The following RBM6 variants were observed in gnomAD, a reference collection of about 807,000 sequenced individuals.
RBM6 encodes RNA-binding protein 6.
A neutral mutation model predicts 140.4 loss-of-function variants in RBM6; 23 were observed. The ratio of observed to expected loss-of-function variants is 0.16; its 90% CI spans 0.12 to 0.23. The LOEUF is 0.23. Among genes scored for constraint, RBM6 ranks in the 10% least tolerant of loss-of-function variants. The pLI is 1.00. For synonymous variants in RBM6, 439 were observed against 475.6 expected (o/e 0.92, Z 1.00); for missense variants, 1,139 against 1,386.7 (o/e 0.82, Z 2.84).
intron 7 of RBM6, among the ~76,000 whole-genome samples, chr3:50,053,709 C>A (rs1309751740): frequency 1.3e-5 from 2 of 152,194 alleles, no homozygotes; most frequent in Non-Finnish European, 2.9e-5. Flanking sequence ...TTTGGAAGCT[C>A]AGTGGCAAAA....
intron 1 of RBM6, among the ~76,000 whole-genome samples, chr3:49,954,762 CTT>C (rs200962144): frequency 7.0e-5 from 10 of 143,764 alleles, no homozygotes; most frequent in Non-Finnish European, 6.1e-5. Context: ...ATTTTGCACA[CTT>C]TTTTTTTTTT....
chr3:50,062,459 G>A (rs910002307), intron 15 of RBM6, among the ~76,000 whole-genome samples: 5 of 150,758 alleles, frequency 3.3e-5, no homozygotes, highest in African/African-American at 4.9e-5. Flanking sequence ...AGCCGAGATC[G>A]CGCCACTACA....
chr3:50,045,510 G>A (rs1183553491), intron 6 of RBM6, among the ~76,000 whole-genome samples: 1 of 152,124 alleles, frequency 6.6e-6, no homozygotes, highest in Admixed American at 6.5e-5. Flanking sequence ...TAAAAGGCCA[G>A]CAAGATTAAG....
chr3:49,995,287 C>T (rs947815257), intron 5 of RBM6, among the ~76,000 whole-genome samples: 27 of 151,942 alleles, frequency 1.8e-4, no homozygotes, highest in Admixed American at 2.0e-4. Flanking sequence ...ATAAGGAGGC[C>T]GGGTGCGGTG....
chr3:49,977,193 T>G (rs929688288), intron 5 of RBM6, among the ~76,000 whole-genome samples: 1 of 152,218 alleles, frequency 6.6e-6, no homozygotes, highest in Non-Finnish European at 1.5e-5. Flanking sequence ...AGTACTGCCC[T>G]CCACCTACCC....
At chr3:50,056,084 T>C in intron 8 of RBM6, among the ~76,000 whole-genome samples, 1 of 152,190 alleles carries the variant, frequency 6.6e-6, no homozygotes, top group Admixed American at 6.5e-5. Flanking sequence ...GATTTTACTC[T>C]GGTGAAGACT....
intron 5 of RBM6, among the ~76,000 whole-genome samples, chr3:49,998,693 G>T (rs183647062): frequency 6.6e-6 from 1 of 152,206 alleles, no homozygotes; most frequent in Admixed American, 6.5e-5. Flanking sequence ...TCTTAAACAT[G>T]TATTGATTGC....
intron 5 of RBM6, among the ~76,000 whole-genome samples, chr3:49,983,659 C>G (rs1207812861): frequency 6.6e-6 from 1 of 152,190 alleles, no homozygotes; most frequent in African/African-American, 2.4e-5. Context: ...ATCATTTTTA[C>G]TTGTCACATC....
chr3:49,940,568 C>A (rs917038545), intron 1 of RBM6: 7 of 155,542 alleles, frequency 4.5e-5, no homozygotes, highest in African/African-American at 1.4e-4. Flanking sequence ...GCTGTTCTTG[C>A]GGTTTTCCTG....
At chr3:49,970,164 C>A (rs969694404) in intron 3 of RBM6, among the ~76,000 whole-genome samples, 2 of 152,086 alleles carry the variant, frequency 1.3e-5, no homozygotes, top group African/African-American at 4.8e-5. Flanking sequence ...TGGGCTGGAA[C>A]CCCTGATCTC....
intron 6 of RBM6, among the ~76,000 whole-genome samples, chr3:50,037,632 T>A (rs1031527975): frequency 1.3e-5 from 2 of 152,116 alleles, no homozygotes; most frequent in Non-Finnish European, 2.9e-5. Flanking sequence ...GTAGAAATAA[T>A]GTCTCTTTTT....
chr3:49,942,575 G>A (rs1447253067), intron 1 of RBM6, among the ~76,000 whole-genome samples: 1 of 148,886 alleles, frequency 6.7e-6, no homozygotes, highest in African/African-American at 2.5e-5. Context: ...CACTATTTCT[G>A]AAACTTTAGT....
chr3:50,042,311 A>G (rs2088966501), intron 6 of RBM6, among the ~76,000 whole-genome samples: 2 of 152,222 alleles, frequency 1.3e-5, no homozygotes, highest in South Asian at 2.1e-4. Flanking sequence ...GGAAGATCAC[A>G]CAGCAATCAT....
At chr3:49,946,892 G>A (rs2083511048) in intron 1 of RBM6, among the ~76,000 whole-genome samples, 1 of 150,612 alleles carries the variant, frequency 6.6e-6, no homozygotes, top group Non-Finnish European at 1.5e-5. Context: ...GATGTGAAGT[G>A]GTATCTTATT....
chr3:50,034,922 G>A (rs1188766654), intron 6 of RBM6, among the ~76,000 whole-genome samples: 1 of 151,908 alleles, frequency 6.6e-6, no homozygotes, highest in Non-Finnish European at 1.5e-5. Flanking sequence ...TCACTAATTT[G>A]CTATGGCTTC....
intron 19 of RBM6, among the ~76,000 whole-genome samples, chr3:50,074,702 C>T (rs1194711970): frequency 6.6e-6 from 1 of 152,164 alleles, no homozygotes; most frequent in Non-Finnish European, 1.5e-5. Flanking sequence ...TTCTTGTGAA[C>T]AGGGCCATAT....
At chr3:50,020,539 G>A (rs913674471) in intron 6 of RBM6, among the ~76,000 whole-genome samples, 35 of 151,920 alleles carry the variant, frequency 2.3e-4, no homozygotes, top group Middle Eastern at 3.2e-3. Flanking sequence ...TTTGTGTATC[G>A]CACAAATTTT....
chr3:50,031,291 A>G (rs537675940), intron 6 of RBM6, among the ~76,000 whole-genome samples: 1 of 152,344 alleles, frequency 6.6e-6, no homozygotes, highest in African/African-American at 2.4e-5. Context: ...ATGTATGTTT[A>G]TTGCGGCACT....
intron 5 of RBM6, among the ~76,000 whole-genome samples, chr3:49,982,275 T>C (rs975522428): frequency 4.8e-5 from 7 of 145,156 alleles, no homozygotes; most frequent in Non-Finnish European, 7.6e-5. Context: ...TTTTTTTTTT[T>C]TTTTTTTTTT....
Sources: gnomAD v4.1 joint callset for allele counts (sites outside exome capture counted in the v4.1 genomes callset) on GRCh38, gnomAD v4.1.1 for gene constraint, MANE v1.5 for transcripts, NCBI Gene and HGNC (gene_info 2026-07-23, HGNC 2026-07-21) for gene names.